The following TMEM232 variants were observed in gnomAD, a reference collection of about 807,000 sequenced individuals.
The protein encoded by TMEM232 is transmembrane protein 232.
In TMEM232, 80 loss-of-function variants were observed where a neutral mutation model predicts 78.8. The observed-to-expected ratio is 1.01, with a 90% CI of 0.85 to 1.22. The LOEUF is 1.22. Among genes scored for constraint, TMEM232 ranks in the 50% most tolerant of loss-of-function variants. The pLI is 0.00. For missense variants in TMEM232, 881 were observed against 742.2 expected, an observed-to-expected ratio of 1.19 and a Z score of -2.17; for synonymous variants, 297 against 254.3, an observed-to-expected ratio of 1.17 and a Z score of -1.60.
At chr5:110,423,735 CTG>C (rs1482560483) in intron 13 of TMEM232, among the ~76,000 whole-genome samples, 1 of 151,790 alleles carries the variant, frequency 6.6e-6, no homozygotes, top group Non-Finnish European at 1.5e-5. Flanking sequence ...ATACTCTCCT[CTG>C]TTTCTTTAGC....
At chr5:110,591,890 G>T (rs542778424) in intron 10 of TMEM232, among the ~76,000 whole-genome samples, 3 of 152,076 alleles carry the variant, frequency 2.0e-5, no homozygotes, top group Non-Finnish European at 4.4e-5. Flanking sequence ...CAGAAAGACA[G>T]ATCCTTATCT....
intron 11 of TMEM232, among the ~76,000 whole-genome samples, chr5:110,536,366 C>T (rs184209196): frequency 9.8e-5 from 15 of 152,340 alleles, no homozygotes; most frequent in Admixed American, 7.8e-4. Context: ...GGGCCACTCT[C>T]TGGTGTTGCC....
chr5:110,510,092 T>G (rs898294458), intron 12 of TMEM232, among the ~76,000 whole-genome samples: 1 of 152,196 alleles, frequency 6.6e-6, no homozygotes, highest in Non-Finnish European at 1.5e-5. Context: ...CTGTTTCTCA[T>G]GTTACTGTGC....
chr5:110,715,432 A>G (rs1796917659), intron 1 of TMEM232, among the ~76,000 whole-genome samples: 1 of 152,190 alleles, frequency 6.6e-6, no homozygotes, highest in Non-Finnish European at 1.5e-5. Context: ...TTTGTGGCTC[A>G]CTAAACAAGA....
intron 1 of TMEM232, among the ~76,000 whole-genome samples, chr5:110,713,503 AAT>A (rs929882068): frequency 2.0e-5 from 3 of 152,144 alleles, no homozygotes; most frequent in African/African-American, 4.8e-5. Context: ...ATCAAAATAT[AAT>A]ATGTGTCCCA....
intron 1 of TMEM232, among the ~76,000 whole-genome samples, chr5:110,699,193 C>G (rs1317061437): frequency 6.6e-6 from 1 of 152,020 alleles, no homozygotes; most frequent in Non-Finnish European, 1.5e-5. Flanking sequence ...TGAAGGTGAG[C>G]TTTCTTGAGA....
At chr5:110,502,686 C>T (rs1766404068) in intron 12 of TMEM232, among the ~76,000 whole-genome samples, 1 of 152,182 alleles carries the variant, frequency 6.6e-6, no homozygotes, top group Non-Finnish European at 1.5e-5. Flanking sequence ...CCACTTTCCC[C>T]TCACTCACTA....
chr5:110,398,145 A>G (rs146951832), intron 2 of TMEM232, among the ~76,000 whole-genome samples: 2 of 152,292 alleles, frequency 1.3e-5, no homozygotes, highest in African/African-American at 4.8e-5. Context: ...CACTATTGCA[A>G]GGACATGACA....
intron 11 of TMEM232, among the ~76,000 whole-genome samples, chr5:110,535,434 C>T (rs1437143813): frequency 1.3e-5 from 2 of 152,214 alleles, no homozygotes; most frequent in African/African-American, 2.4e-5. Flanking sequence ...TTAGACTCAG[C>T]CCGCCTGCAC....
chr5:110,408,742 A>G (rs1472835913), intron 2 of TMEM232, among the ~76,000 whole-genome samples: 1 of 152,210 alleles, frequency 6.6e-6, no homozygotes, highest in Non-Finnish European at 1.5e-5. Flanking sequence ...AAAGGAGACA[A>G]CAACCGAGAA....
rs564709386 is a variant in TMEM232, at chr5:110,387,802, G to A, written n.867C>T. 3.3e-5 allele frequency: 5 copies of A among 152,292 alleles called. No homozygotes were observed. The East Asian group carries it at 9.6e-4, about 29-fold the overall frequency. 9.4% of individuals were successfully genotyped at this position (152,292 alleles called of 1,614,324 possible). ...AGCTCTCATTCACTGGATTGGATTT[G>A]CCTGTTGTCCTTTTCACGTTCTTTG... On this transcript the variant is annotated non_coding_transcript_exon_variant, in exon 5 of 9. Coordinates refer to the TMEM232 transcript ENST00000507188.
At chr5:110,437,983 C>T (rs1344570306) in intron 12 of TMEM232, among the ~76,000 whole-genome samples, 1 of 152,026 alleles carries the variant, frequency 6.6e-6, no homozygotes, top group East Asian at 1.9e-4. Flanking sequence ...TGAAGGTTTT[C>T]AGTGGATAAG....
chr5:110,547,998 CAAAAAAAAAA>C (rs938444289), intron 11 of TMEM232, among the ~76,000 whole-genome samples: 1 of 48,660 alleles, frequency 2.1e-5, no homozygotes, highest in African/African-American at 6.7e-5. Flanking sequence ...ACTCCATCTC[CAAAAAAAAAA>C]AAAAAAAAAA....
At chr5:110,427,963 T>C (rs577558819) in intron 12 of TMEM232, among the ~76,000 whole-genome samples, 2 of 152,120 alleles carry the variant, frequency 1.3e-5, no homozygotes, top group African/African-American at 4.8e-5. Flanking sequence ...ATACACACCC[T>C]GAAGCATTTA....
chr5:110,662,660 T>C (rs1034044914), intron 2 of TMEM232, among the ~76,000 whole-genome samples: 1 of 152,110 alleles, frequency 6.6e-6, no homozygotes, highest in East Asian at 1.9e-4. Flanking sequence ...TGAAGCAGAC[T>C]ATAGAGCAGA....
At chr5:110,557,465 A>G (rs1304702624) in intron 11 of TMEM232, among the ~76,000 whole-genome samples, 4 of 152,170 alleles carry the variant, frequency 2.6e-5, no homozygotes, top group Non-Finnish European at 5.9e-5. Flanking sequence ...CCATTCTCAT[A>G]CTGCTATAAC....
intron 1 of TMEM232, among the ~76,000 whole-genome samples, chr5:110,699,701 T>TACC (rs1340379661): frequency 6.6e-6 from 1 of 152,110 alleles, no homozygotes; most frequent in African/African-American, 2.4e-5. Flanking sequence ...CTTCTCTTGC[T>TACC]ACCACTCCTT....
intron 12 of TMEM232, among the ~76,000 whole-genome samples, chr5:110,443,567 T>C (rs1430111051): frequency 1.3e-5 from 2 of 152,040 alleles, no homozygotes; most frequent in Non-Finnish European, 2.9e-5. Context: ...AGAGCCTGTT[T>C]GTTACTCTAC....
chr5:110,471,039 T>G (rs1312429051), intron 12 of TMEM232, among the ~76,000 whole-genome samples: 1 of 152,080 alleles, frequency 6.6e-6, no homozygotes, highest in African/African-American at 2.4e-5. Context: ...ACCAAAGAGA[T>G]AGACATCATT....
Sources: allele counts gnomAD v4.1 joint callset (sites outside exome capture counted in the v4.1 genomes callset), GRCh38; gene constraint gnomAD v4.1.1; transcripts MANE v1.5; gene names NCBI Gene and HGNC (gene_info 2026-07-23, HGNC 2026-07-21).